Variants in CSTPP1 observed in about 807,000 individuals in gnomAD.
CSTPP1 encodes the protein UPF0705 protein C11orf49.
the CSTPP1 span, among the ~76,000 whole-genome samples, chr11:47,073,960 G>A: frequency 2.6e-5 from 4 of 152,054 alleles, no homozygotes; most frequent in Non-Finnish European, 5.9e-5. Flanking sequence ...CTGTGCACAA[G>A]CTTGTTCTCA....
the CSTPP1 span, among the ~76,000 whole-genome samples, chr11:46,937,817 G>A: frequency 6.6e-6 from 1 of 152,116 alleles, no homozygotes; most frequent in Non-Finnish European, 1.5e-5. Flanking sequence ...GATTACAGGC[G>A]TGAGCCACCG....
the CSTPP1 span, among the ~76,000 whole-genome samples, chr11:47,022,038 T>G: frequency 2.6e-5 from 4 of 151,566 alleles, no homozygotes; most frequent in Non-Finnish European, 5.9e-5. Context: ...ATATATGGTT[T>G]TTTTTTTTTT....
the CSTPP1 span, among the ~76,000 whole-genome samples, chr11:47,115,607 T>A: frequency 2.0e-5 from 3 of 152,254 alleles, no homozygotes; most frequent in South Asian, 6.2e-4. Context: ...GTAAATGTGT[T>A]TATAGTATTC....
At chr11:46,984,995 TTCAC>T in the CSTPP1 span, among the ~76,000 whole-genome samples, 1 of 152,140 alleles carries the variant, frequency 6.6e-6, no homozygotes. Flanking sequence ...ATCTCACAGC[TTCAC>T]TCTTAGTTTT....
the CSTPP1 span, among the ~76,000 whole-genome samples, chr11:46,956,093 C>T: frequency 6.6e-6 from 1 of 151,474 alleles, no homozygotes; most frequent in African/African-American, 2.4e-5. Context: ...TTGCATACAT[C>T]ATTTAAGAGT....
chr11:47,056,108 C>T, the CSTPP1 span, among the ~76,000 whole-genome samples: 11 of 152,132 alleles, frequency 7.2e-5, no homozygotes, highest in South Asian at 6.2e-4. Context: ...CCAAAATCCA[C>T]GCATAATCAA....
At chr11:47,119,803 G>A in the CSTPP1 span, among the ~76,000 whole-genome samples, 24 of 151,944 alleles carry the variant, frequency 1.6e-4, no homozygotes, top group African/African-American at 5.8e-4. Context: ...TAGAGACAGG[G>A]TTTCTCCACG....
chr11:46,967,943 T>C, the CSTPP1 span, among the ~76,000 whole-genome samples: 1 of 151,986 alleles, frequency 6.6e-6, no homozygotes. Flanking sequence ...GAAAAGGGGC[T>C]CCGGTGAGCT....
chr11:47,128,870 A>T, the CSTPP1 span, among the ~76,000 whole-genome samples: 1 of 152,156 alleles, frequency 6.6e-6, no homozygotes, highest in Non-Finnish European at 1.5e-5. Context: ...GTGTCTCTGT[A>T]GTAAACTTTT....
the CSTPP1 span, among the ~76,000 whole-genome samples, chr11:47,122,146 T>C: frequency 7.2e-6 from 1 of 138,092 alleles, no homozygotes; most frequent in Non-Finnish European, 1.5e-5. Context: ...ATGGAGGATA[T>C]TGTAACTATT....
At chr11:47,117,962 C>T in the CSTPP1 span, among the ~76,000 whole-genome samples, 14 of 147,064 alleles carry the variant, frequency 9.5e-5, no homozygotes, top group East Asian at 2.4e-3. Flanking sequence ...TCACTGCAAC[C>T]TCCGCCTCCC....
At chr11:47,159,515 A>G in the CSTPP1 span, 2 of 396,490 alleles carry the variant, frequency 5.0e-6, no homozygotes, top group East Asian at 7.5e-5. Flanking sequence ...CTCAAAAAAG[A>G]AAAAAAAAAC....
the CSTPP1 span, among the ~76,000 whole-genome samples, chr11:46,972,178 A>G: frequency 6.6e-6 from 1 of 152,232 alleles, no homozygotes; most frequent in African/African-American, 2.4e-5. Flanking sequence ...AGAAGAGAGT[A>G]TAGTAATTTT....
the CSTPP1 span, among the ~76,000 whole-genome samples, chr11:46,942,193 C>T: frequency 6.6e-6 from 1 of 152,206 alleles, no homozygotes; most frequent in African/African-American, 2.4e-5. Context: ...TGTGTTAATG[C>T]CTAGGCCTGA....
chr11:47,079,390 C>T, the CSTPP1 span, among the ~76,000 whole-genome samples: 42 of 152,278 alleles, frequency 2.8e-4, 1 homozygote, highest in Admixed American at 2.7e-3. Flanking sequence ...TGATGCAGAT[C>T]GCAAAACTGG....
chr11:46,991,826 C>T, the CSTPP1 span, among the ~76,000 whole-genome samples: 1 of 152,092 alleles, frequency 6.6e-6, no homozygotes, highest in African/African-American at 2.4e-5. Context: ...CTGCAACCTC[C>T]GTCTCCCGGG....
chr11:47,137,782 C>T, the CSTPP1 span: 3 of 1,537,026 alleles, frequency 2.0e-6, no homozygotes, highest in African/African-American at 4.1e-5. Context: ...GCCACTGCTT[C>T]CTAGAGAAAC....
At chr11:47,010,821 T>G in the CSTPP1 span, among the ~76,000 whole-genome samples, 3 of 152,222 alleles carry the variant, frequency 2.0e-5, no homozygotes, top group Non-Finnish European at 4.4e-5. Flanking sequence ...TAGATTTTGT[T>G]TGATGTTAAC....
the CSTPP1 span, among the ~76,000 whole-genome samples, chr11:47,039,185 C>T: frequency 1.6e-5 from 2 of 127,260 alleles, no homozygotes; most frequent in African/African-American, 5.0e-5. Flanking sequence ...GAGCCGAGGT[C>T]ACGCCACTGC....
Sources: gnomAD v4.1 joint callset for allele counts (sites outside exome capture counted in the v4.1 genomes callset) on GRCh38, gnomAD v4.1.1 for gene constraint, MANE v1.5 for transcripts, NCBI Gene and HGNC (gene_info 2026-07-23, HGNC 2026-07-21) for gene names.